The following SPTLC2 variants were observed in gnomAD, a reference collection of about 807,000 sequenced individuals.
SPTLC2 encodes serine palmitoyltransferase long chain base subunit 2.
In SPTLC2, 21 loss-of-function variants were observed where a neutral mutation model predicts 62.0. The ratio of observed to expected loss-of-function variants is 0.34; its 90% confidence interval spans 0.24 to 0.49. SPTLC2 has a LOEUF of 0.49. Among genes scored for constraint, SPTLC2 ranks in the 20% least tolerant of loss-of-function variants. The pLI is 0.99. For synonymous variants in SPTLC2, 261 were observed against 261.8 expected (o/e 1.00, Z 0.03); for missense variants, 511 against 713.0 (o/e 0.72, Z 3.23).
intron 2 of SPTLC2, among the ~76,000 whole-genome samples, chr14:77,585,755 G>A (rs1310923708): frequency 1.3e-5 from 2 of 152,044 alleles, no homozygotes; most frequent in African/African-American, 4.8e-5. Flanking sequence ...GGAAAACGTG[G>A]GAGAAAAATT....
intron 9 of SPTLC2, among the ~76,000 whole-genome samples, chr14:77,542,654 C>A (rs1236558109): frequency 6.6e-6 from 1 of 152,162 alleles, no homozygotes; most frequent in African/African-American, 2.4e-5. Flanking sequence ...GACAGATCTG[C>A]GTCTTCATAT....
intron 9 of SPTLC2, among the ~76,000 whole-genome samples, chr14:77,544,851 C>G (rs1594980898): frequency 6.6e-6 from 1 of 152,270 alleles, no homozygotes; most frequent in East Asian, 1.9e-4. Context: ...ATCTTATCAC[C>G]CTGGCCTACC....
At chr14:77,587,202 G>A (rs2079786356) in intron 2 of SPTLC2, among the ~76,000 whole-genome samples, 1 of 151,788 alleles carries the variant, frequency 6.6e-6, no homozygotes, top group South Asian at 2.1e-4. Context: ...CACTCCTCCA[G>A]CCTGGGTGAC....
rs79328775 is a variant in SPTLC2, at chr14:77,527,890, T to C, written c.1304-6309A>G. The stretch of plus-strand genomic sequence containing the variant: ...CTCAGCTGCTTCAGTAGTAATATGA[T>C]TTCCAGTTTAGCTGATGAGCTTTTA... On this transcript the variant is annotated intron_variant, in intron 9 of 11. Transcript: ENST00000216484. 7.4e-3 allele frequency among the ~76,000 whole-genome samples: 1,120 copies of C among 152,362 alleles called. 9 individuals carry two copies. The highest frequency in any genetic ancestry group is 0.013 in the Non-Finnish European group (900 of 68,036).
intron 9 of SPTLC2, among the ~76,000 whole-genome samples, chr14:77,522,925 C>T (rs2079391628): frequency 6.6e-6 from 1 of 152,196 alleles, no homozygotes; most frequent in Non-Finnish European, 1.5e-5. Context: ...ATCCATCATT[C>T]ATGGGAAGCT....
At chr14:77,611,729 G>C (rs1380263108) in intron 1 of SPTLC2, among the ~76,000 whole-genome samples, 2 of 151,920 alleles carry the variant, frequency 1.3e-5, no homozygotes, top group African/African-American at 2.4e-5. Flanking sequence ...AGGAGGCTGA[G>C]GCTGGAGAAT....
chr14:77,542,522 T>C (rs2079506827), intron 9 of SPTLC2, among the ~76,000 whole-genome samples: 1 of 152,154 alleles, frequency 6.6e-6, no homozygotes, highest in Admixed American at 6.5e-5. Context: ...TTTCTAACAC[T>C]GAAGCAAAGC....
intron 6 of SPTLC2, among the ~76,000 whole-genome samples, chr14:77,558,743 T>C (rs529921251): frequency 4.6e-5 from 7 of 151,756 alleles, no homozygotes; most frequent in South Asian, 2.1e-4. Context: ...AGCCTCAGCC[T>C]CCTGAGTAGC....
chr14:77,584,361 T>C (rs2079769653), intron 2 of SPTLC2, among the ~76,000 whole-genome samples: 1 of 152,234 alleles, frequency 6.6e-6, no homozygotes, highest in South Asian at 2.1e-4. Flanking sequence ...ATGATGATGA[T>C]AAAGATGATG....
chr14:77,540,874 T>C (rs1297661360), intron 9 of SPTLC2, among the ~76,000 whole-genome samples: 3 of 152,234 alleles, frequency 2.0e-5, no homozygotes, highest in Non-Finnish European at 2.9e-5. Flanking sequence ...AGTGATATAA[T>C]GCATGTTTAG....
At chr14:77,611,473 AAAG>A (rs1381319218) in intron 1 of SPTLC2, among the ~76,000 whole-genome samples, 2 of 151,458 alleles carry the variant, frequency 1.3e-5, no homozygotes, top group Admixed American at 1.3e-4. Context: ...AAAAAAAAAA[AAAG>A]AAAGAAAAGA....
At chr14:77,539,528 C>A (rs1314880050) in intron 9 of SPTLC2, among the ~76,000 whole-genome samples, 16 of 107,944 alleles carry the variant, frequency 1.5e-4, no homozygotes, top group African/African-American at 5.4e-4. Context: ...CTCGTTGTGT[C>A]GCCCAGCCTG....
chr14:77,551,132 G>A (rs2079553372), intron 9 of SPTLC2, among the ~76,000 whole-genome samples: 1 of 152,066 alleles, frequency 6.6e-6, no homozygotes, highest in East Asian at 1.9e-4. Flanking sequence ...GGTGGCTCAC[G>A]CCTGTAATCC....
intron 2 of SPTLC2, among the ~76,000 whole-genome samples, chr14:77,587,173 A>C (rs2140047608): frequency 6.6e-6 from 1 of 152,132 alleles, no homozygotes; most frequent in East Asian, 1.9e-4. Flanking sequence ...GCTTGCAGTG[A>C]GCTGAGATCA....
At position 77,616,542 on chromosome 14, in the gene SPTLC2, G is replaced by A. The variant is rs745644125; in HGVS notation, c.38C>T (p.Thr13Met). The A allele has an allele frequency of 2.8e-5, 43 of 1,535,998 alleles. No homozygotes were observed. In the African/African-American group the frequency reaches 4.1e-4, roughly 15 times the overall value. The change falls in exon 1 of 12, where the codon ACG becomes ATG. Residue 13 changes from threonine to methionine, a missense_variant. Thr to Met is a moderately conservative substitution (Grantham distance 81, BLOSUM62 -1). Transcript: ENST00000216484. ...PEPGGCCCRR[T>M]VRANGCVANG... ...CGCCACGCAGCCATTCGCCCGCACC[G>A]TGCGGCGGCAGCAGCAGCCTCCGGG...
chr14:77,540,876 C>G (rs1208936462), intron 9 of SPTLC2, among the ~76,000 whole-genome samples: 1 of 152,200 alleles, frequency 6.6e-6, no homozygotes, highest in African/African-American at 2.4e-5. Context: ...TGATATAATG[C>G]ATGTTTAGTT....
intron 10 of SPTLC2, among the ~76,000 whole-genome samples, chr14:77,519,228 C>T (rs1001822440): frequency 1.3e-5 from 2 of 151,894 alleles, no homozygotes; most frequent in Non-Finnish European, 2.9e-5. Context: ...TTAGTAGAGA[C>T]GGGGTTTCAC....
At position 77,557,136 on chromosome 14, in the gene SPTLC2, G is replaced by A. The variant is rs751027493; in HGVS notation, c.861C>T (p.Ser287=). ...TGGCATCTTTCAATAGCTTCTCTAG[G>A]CTTTGCATATCTACAGAGCACAAAA... ...IRIFKHNNMQ[S]LEKLLKDAIV... The change falls in exon 7 of 12, where the codon AGC becomes AGT. Residue 287 remains serine (S), a synonymous_variant. Coordinates refer to ENST00000216484, the MANE Select transcript of SPTLC2 (RefSeq NM_004863.4). The A allele has an allele frequency of 6.2e-7, 1 of 1,613,216 alleles. No individual in the cohort carries two copies. The highest frequency in any genetic ancestry group is 1.7e-5 in the Admixed American group (1 of 59,998).
At chr14:77,518,658 T>G (rs1191585197) in intron 10 of SPTLC2, among the ~76,000 whole-genome samples, 3 of 151,908 alleles carry the variant, frequency 2.0e-5, no homozygotes, top group African/African-American at 7.3e-5. Context: ...AATGAACCTG[T>G]ATTTAATTAA....
Sources: allele counts gnomAD v4.1 joint callset (sites outside exome capture counted in the v4.1 genomes callset), GRCh38; gene constraint gnomAD v4.1.1; transcripts MANE v1.5; gene names NCBI Gene and HGNC (gene_info 2026-07-23, HGNC 2026-07-21).